The following SNX7 variants were observed in gnomAD, a reference collection of about 807,000 sequenced individuals.
SNX7 encodes sorting nexin 7.
In SNX7, 35 loss-of-function variants were observed where a neutral mutation model predicts 48.4. The observed-to-expected ratio is 0.72, with a 90% CI of 0.55 to 0.96. The LOEUF (loss-of-function observed/expected upper bound fraction) is 0.96. Among genes scored for constraint, SNX7 ranks in the 40% least tolerant of loss-of-function variants. The pLI, the probability that SNX7 is intolerant of heterozygous loss-of-function variation, is 0.00. For missense variants in SNX7, 553 were observed against 548.9 expected (o/e 1.01, Z -0.07); for synonymous variants, 190 against 190.2 (o/e 1.00, Z 0.01).
chr1:98,695,389 A>T, intron 4 of SNX7, 129 bp from the exon 5 acceptor site: 1 of 806,872 alleles, frequency 1.2e-6, no homozygotes, highest in East Asian at 2.6e-5. Flanking sequence ...TCAAGCTAAC[A>T]TTAAAAAAGA....
intron 1 of SNX7, chr1:98,662,679 A>G: frequency 7.8e-7 from 1 of 1,289,254 alleles, no homozygotes; most frequent in Non-Finnish European, 1.0e-6. Flanking sequence ...TTAGAAAAGA[A>G]AAATACCTTT....
chr1:98,758,377 C>G (rs1654954788), intron 8 of SNX7, among the ~76,000 whole-genome samples: 1 of 151,944 alleles, frequency 6.6e-6, no homozygotes, highest in Non-Finnish European at 1.5e-5. Context: ...GACCCTGACT[C>G]CTCTACTCCC....
Position 98,760,250 on chromosome 1 carries a change from A to C in SNX7, c.*119A>C. 1.4e-6 allele frequency: 1 copy of C among 730,716 alleles called. No individual in the cohort carries two copies. The highest frequency in any genetic ancestry group is 2.3e-6 in the Non-Finnish European group (1 of 430,280). The allele number at this position is 730,716 out of a possible 1,614,324, so 45.3% of individuals were successfully genotyped here. On this transcript the variant is annotated 3_prime_UTR_variant, in exon 9 of 9. Coordinates refer to ENST00000306121, the MANE Select transcript of SNX7 (RefSeq NM_015976.5). ...AAAAATGTTTTGTACCCATCTGGAA[A>C]ACCAACAACTTGAAATCTCAGGTAT...
intron 7 of SNX7, among the ~76,000 whole-genome samples, chr1:98,722,519 C>A (rs751118732): frequency 6.6e-6 from 1 of 152,058 alleles, no homozygotes; most frequent in East Asian, 1.9e-4. Flanking sequence ...GATGGAGTGG[C>A]AATCTTAATC....
chr1:98,673,481 TCTTA>T (rs1649989705), intron 1 of SNX7, among the ~76,000 whole-genome samples: 1 of 152,200 alleles, frequency 6.6e-6, no homozygotes, highest in African/African-American at 2.4e-5. Context: ...TCTGAAATTA[TCTTA>T]CTTATCTATA....
At chr1:98,665,328 T>G (rs1281981408) in intron 1 of SNX7, among the ~76,000 whole-genome samples, 1 of 152,190 alleles carries the variant, frequency 6.6e-6, no homozygotes, top group Non-Finnish European at 1.5e-5. Flanking sequence ...AAATATTGTT[T>G]TTAAAAATAA....
At chr1:98,669,028 A>T (rs1649694539) in intron 1 of SNX7, among the ~76,000 whole-genome samples, 1 of 152,180 alleles carries the variant, frequency 6.6e-6, no homozygotes, top group African/African-American at 2.4e-5. Context: ...GAAAGTCTTA[A>T]TTAGATGGGC....
intron 1 of SNX7, among the ~76,000 whole-genome samples, chr1:98,667,125 AAAAC>A (rs1649576649): frequency 6.6e-6 from 1 of 152,370 alleles, no homozygotes; most frequent in East Asian, 1.9e-4. Context: ...AATAAAATCT[AAAAC>A]AATAAAATCG....
chr1:98,685,105 T>A (rs1273753738), intron 2 of SNX7, 38 bp downstream of exon 2: 1 of 1,269,368 alleles, frequency 7.9e-7, no homozygotes, highest in Non-Finnish European at 1.1e-6. Context: ...ATATAGCTGC[T>A]TTTTTTTAAG....
rs377497247 is a variant in SNX7 at position 98,684,924 on chromosome 1, A to C, written c.220A>C (p.Met74Leu). The C allele has an allele frequency of 2.2e-5, 35 of 1,586,480 alleles. No homozygotes were observed. The African/African-American group carries it at 4.6e-4, about 21-fold the overall frequency. ...LMDMNSFSPMMPTSPLSMINQ... is the reference protein window; with the variant it reads ...LMDMNSFSPMLPTSPLSMINQ... Reference sequence around the variant, plus strand: ...GGACATGAACTCCTTCAGCCCTATGATGCCAACATCCCCTTTATCAATGAT... The same window carrying C: ...GGACATGAACTCCTTCAGCCCTATGCTGCCAACATCCCCTTTATCAATGAT... Residue 74 changes from methionine to leucine, a missense_variant, in exon 2 of 9, where the codon ATG (methionine) becomes CTG (leucine). Physicochemically the swap from Met to Leu is conservative, Grantham distance 15. Transcript: ENST00000306121.
intron 7 of SNX7, among the ~76,000 whole-genome samples, chr1:98,723,801 C>T (rs552126455): frequency 6.6e-6 from 1 of 151,324 alleles, no homozygotes; most frequent in South Asian, 2.1e-4. Context: ...GCAGAGGTTG[C>T]GCTGAACTGA....
intron 7 of SNX7, among the ~76,000 whole-genome samples, chr1:98,709,671 A>G (rs1652198692): frequency 6.6e-6 from 1 of 152,166 alleles, no homozygotes; most frequent in African/African-American, 2.4e-5. Flanking sequence ...CTGAGTAGCT[A>G]GTGTATTTTC....
chr1:98,751,511 C>G (rs1654577906), intron 8 of SNX7, among the ~76,000 whole-genome samples: 1 of 152,034 alleles, frequency 6.6e-6, no homozygotes, highest in African/African-American at 2.4e-5. Flanking sequence ...CTCTCTTTCT[C>G]TGAGTTCTCT....
In SNX7 at chr1:98,691,521, T is replaced by A. The variant is rs1651123992; in HGVS notation, c.475-14T>A. 6.4e-7 allele frequency: 1 copy of A among 1,554,590 alleles called. No homozygotes were observed. The highest frequency in any genetic ancestry group is 8.6e-7 in the Non-Finnish European group (1 of 1,156,098). On this transcript the variant is annotated splice_polypyrimidine_tract_variant and intron_variant, in intron 3 of 8. Transcript: ENST00000306121. ...AATAATACTTGAATACCTTTTTAAT[T>A]TTTTTTGCCTTAGCCATTGCCAGAA...
chr1:98,730,634 GA>G (rs1653461966), intron 7 of SNX7, among the ~76,000 whole-genome samples: 2 of 151,884 alleles, frequency 1.3e-5, no homozygotes. Context: ...GACAAATCAT[GA>G]ATGAATTCCC....
intron 1 of SNX7, among the ~76,000 whole-genome samples, chr1:98,682,698 T>G (rs1384570746): frequency 6.6e-6 from 1 of 152,204 alleles, no homozygotes; most frequent in Non-Finnish European, 1.5e-5. Context: ...CTTAAATCTT[T>G]AGGGAATTTA....
At chr1:98,701,255 C>T (rs1423914452) in intron 6 of SNX7, among the ~76,000 whole-genome samples, 5 of 152,106 alleles carry the variant, frequency 3.3e-5, no homozygotes, top group African/African-American at 1.2e-4. Context: ...ATCTCTCATC[C>T]AAAGCTTGGC....
rs1339927162 is a variant in SNX7 at position 98,710,222 on chromosome 1, C to G, written c.1125+8319C>G. Among the ~76,000 whole-genome samples, 4 of 152,060 alleles carry G rather than the reference C, an allele frequency of 2.6e-5. 1 individual carries two copies. The highest frequency in any genetic ancestry group is 2.9e-5 in the Non-Finnish European group (2 of 68,026). On this transcript the variant is annotated intron_variant, in intron 7 of 8. Transcript: ENST00000306121. Reference sequence around the variant, plus strand: ...TTCAAAATTTTACCAATGAAATTTGCTTAGGGAAGTAACTGCATATTAAGG... The same window carrying G: ...TTCAAAATTTTACCAATGAAATTTGGTTAGGGAAGTAACTGCATATTAAGG...
chr1:98,720,601 C>T (rs1356924497), intron 7 of SNX7, among the ~76,000 whole-genome samples: 3 of 151,970 alleles, frequency 2.0e-5, no homozygotes, highest in African/African-American at 7.3e-5. Context: ...TTATGGTACC[C>T]ACTGGCCACA....
Sources: allele counts gnomAD v4.1 joint callset (sites outside exome capture counted in the v4.1 genomes callset), GRCh38; gene constraint gnomAD v4.1.1; transcripts MANE v1.5; gene names NCBI Gene and HGNC (gene_info 2026-07-23, HGNC 2026-07-21).